The following IL1RAPL2 variants were observed in gnomAD, a reference collection of about 807,000 sequenced individuals.
IL1RAPL2 encodes interleukin 1 receptor accessory protein like 2.
A neutral mutation model predicts 44.1 loss-of-function variants in IL1RAPL2; 3 were observed. The observed-to-expected ratio is 0.07, with a 90% CI of 0.03 to 0.18. The LOEUF (loss-of-function observed/expected upper bound fraction) is 0.18, where lower values mean the gene tolerates loss of function less well. Ranked by LOEUF, IL1RAPL2 falls within the 10% of genes least tolerant of loss-of-function variation. IL1RAPL2 has a pLI of 1.00. For missense variants in IL1RAPL2, 391 were observed against 496.4 expected (o/e 0.79, Z 2.02); for synonymous variants, 181 against 178.8 (o/e 1.01, Z -0.10).
At chrX:105,641,025 A>G (rs1175703506) in intron 6 of IL1RAPL2, among the ~76,000 whole-genome samples, 8 of 109,928 alleles carry the variant, frequency 7.3e-5, no homozygotes, top group Admixed American at 3.9e-4. Context: ...GATGGTAAAC[A>G]TACAAAAAAT....
chrX:105,072,438 G>T (rs1602935428), intron 2 of IL1RAPL2, among the ~76,000 whole-genome samples: 1 of 111,167 alleles, frequency 9.0e-6, no homozygotes, highest in Non-Finnish European at 1.9e-5. Context: ...GGAACTGGGT[G>T]ACAGGCAGAG....
At position 104,725,412 on chromosome X, in the gene IL1RAPL2, C is replaced by T. The variant is rs187073774; in HGVS notation, c.82+66417C>T. Among the ~76,000 whole-genome samples, 6 of 111,479 alleles carry T rather than the reference C, an allele frequency of 5.4e-5. No individual in the cohort carries two copies. In the East Asian group the frequency reaches 1.4e-3, roughly 26 times the overall value. On this transcript the variant is annotated intron_variant, in intron 2 of 10. Coordinates refer to ENST00000372582, the MANE Select transcript of IL1RAPL2 (RefSeq NM_017416.2). ...GGGTATATACTCAGTAGTGGGATTGCTGGGCCAAATGGTATTTCTGGTTCT... is the reference window on the plus strand; with the variant it reads ...GGGTATATACTCAGTAGTGGGATTGTTGGGCCAAATGGTATTTCTGGTTCT...
intron 6 of IL1RAPL2, among the ~76,000 whole-genome samples, chrX:105,561,239 AC>A (rs1472133890): frequency 8.9e-6 from 1 of 111,861 alleles, no homozygotes; most frequent in African/African-American, 3.3e-5. Flanking sequence ...GTGGATGCTA[AC>A]CATTAATAAA....
intron 6 of IL1RAPL2, among the ~76,000 whole-genome samples, chrX:105,647,251 G>T: frequency 8.9e-6 from 1 of 111,955 alleles, no homozygotes; most frequent in Non-Finnish European, 1.9e-5. Context: ...GATCAGCAGT[G>T]GTGGACAGCG....
chrX:104,761,211 G>A (rs1413272303), intron 2 of IL1RAPL2, among the ~76,000 whole-genome samples: 1 of 111,097 alleles, frequency 9.0e-6, no homozygotes, highest in African/African-American at 3.3e-5. Context: ...ACAGGGCTGG[G>A]GAGGCCTCAG....
At chrX:104,765,512 G>T (rs1932539289) in intron 2 of IL1RAPL2, among the ~76,000 whole-genome samples, 1 of 111,961 alleles carries the variant, frequency 8.9e-6, no homozygotes, top group South Asian at 3.8e-4. Context: ...AATAAAGGCT[G>T]CTGCCTCCTA....
intron 2 of IL1RAPL2, among the ~76,000 whole-genome samples, chrX:105,144,723 C>T (rs2033163519): frequency 9.0e-6 from 1 of 111,531 alleles, no homozygotes; most frequent in Non-Finnish European, 1.9e-5. Context: ...ATAATCCATC[C>T]CCAAGTCCTG....
At chrX:104,962,793 C>T (rs1474725434) in intron 2 of IL1RAPL2, among the ~76,000 whole-genome samples, 1 of 111,938 alleles carries the variant, frequency 8.9e-6, no homozygotes, top group African/African-American at 3.2e-5. Flanking sequence ...ATTCTTCAAT[C>T]TCTGCCTTTC....
At chrX:105,219,637 C>T in intron 3 of IL1RAPL2, 1 of 1,210,536 alleles carries the variant, frequency 8.3e-7, no homozygotes, top group South Asian at 1.8e-5. Context: ...TCCAGCAGCA[C>T]CAGCAGCAGC....
chrX:105,758,334 C>A (rs1366836831), intron 10 of IL1RAPL2, among the ~76,000 whole-genome samples: 2 of 111,489 alleles, frequency 1.8e-5, no homozygotes, highest in Non-Finnish European at 3.8e-5. Flanking sequence ...TTTTGTACTA[C>A]TCTCACGGTA....
intron 6 of IL1RAPL2, among the ~76,000 whole-genome samples, chrX:105,705,357 T>C (rs2038157353): frequency 9.0e-6 from 1 of 111,606 alleles, no homozygotes; most frequent in Non-Finnish European, 1.9e-5. Context: ...TTGTACAGTT[T>C]GTACAGAAAA....
intron 5 of IL1RAPL2, among the ~76,000 whole-genome samples, chrX:105,356,448 A>C (rs1180466634): frequency 8.9e-6 from 1 of 111,740 alleles, no homozygotes. Context: ...TATATATCAT[A>C]ATACCTGAAT....
At chrX:105,235,093 C>T (rs1268752269) in intron 4 of IL1RAPL2, among the ~76,000 whole-genome samples, 1 of 111,628 alleles carries the variant, frequency 9.0e-6, no homozygotes, top group Non-Finnish European at 1.9e-5. Flanking sequence ...TTGCTTCCCT[C>T]TCCTGCCACC....
At chrX:105,475,659 C>G (rs1432750283) in intron 5 of IL1RAPL2, among the ~76,000 whole-genome samples, 1 of 104,430 alleles carries the variant, frequency 9.6e-6, no homozygotes, top group South Asian at 4.3e-4. Context: ...AAAAAGGCAA[C>G]AGTGAAGAAA....
intron 2 of IL1RAPL2, among the ~76,000 whole-genome samples, chrX:105,043,069 G>A: frequency 1.3e-5 from 1 of 77,948 alleles, no homozygotes; most frequent in Non-Finnish European, 2.4e-5. Context: ...CACACTCTGG[G>A]GACTGTTGTG....
intron 5 of IL1RAPL2, among the ~76,000 whole-genome samples, chrX:105,276,181 G>A (rs910563986): frequency 2.3e-4 from 26 of 112,158 alleles, no homozygotes; most frequent in African/African-American, 7.4e-4. Context: ...CGGGATGGGC[G>A]GATCACCTGA....
intron 2 of IL1RAPL2, among the ~76,000 whole-genome samples, chrX:104,890,296 C>T (rs1338890122): frequency 1.8e-5 from 2 of 111,770 alleles, no homozygotes; most frequent in Non-Finnish European, 3.8e-5. Flanking sequence ...GATTTATAGT[C>T]CTTTGGGTAT....
chrX:105,589,000 C>T (rs1454315339), intron 6 of IL1RAPL2, among the ~76,000 whole-genome samples: 1 of 111,883 alleles, frequency 8.9e-6, no homozygotes. Context: ...TACATTCCCA[C>T]CAGCAGTGCA....
intron 5 of IL1RAPL2, among the ~76,000 whole-genome samples, chrX:105,392,833 G>C (rs751672529): frequency 8.9e-6 from 1 of 112,529 alleles, no homozygotes; most frequent in East Asian, 2.8e-4. Context: ...TTCTGACTTT[G>C]ATACAAACAT....
Sources: allele counts gnomAD v4.1 joint callset (sites outside exome capture counted in the v4.1 genomes callset), GRCh38; gene constraint gnomAD v4.1.1; transcripts MANE v1.5; gene names NCBI Gene and HGNC (gene_info 2026-07-23, HGNC 2026-07-21).